The following DST variants were observed in gnomAD, a reference collection of about 807,000 sequenced individuals.
The protein encoded by DST is dystonin.
In DST, 253 loss-of-function variants were observed where a neutral mutation model predicts 875.2. The observed-to-expected ratio is 0.29, with a 90% confidence interval of 0.26 to 0.32. The LOEUF (loss-of-function observed/expected upper bound fraction) is 0.32, where lower values mean the gene tolerates loss of function less well. DST is among the 10% of genes least tolerant of loss of function. The pLI is 1.00. For synonymous variants in DST, 3,124 were observed against 3,197.1 expected (o/e 0.98, Z 0.77); for missense variants, 8,287 against 9,111.6 (o/e 0.91, Z 3.68).
At chr6:56,722,618 G>A (rs1223808826) in intron 5 of DST, among the ~76,000 whole-genome samples, 2 of 152,136 alleles carry the variant, frequency 1.3e-5, no homozygotes, top group Non-Finnish European at 1.5e-5. Context: ...TCCTGACCTC[G>A]TGATCCACCT....
Position 56,487,135 on chromosome 6 carries a change from A to T in DST, c.21016T>A (p.Trp7006Arg). Residue 7006 changes from tryptophan (W) to arginine (R), a missense_variant, in exon 87 of 104, where the codon TGG (tryptophan) becomes AGG (arginine). Physicochemically the swap from Trp to Arg is moderately radical, Grantham distance 101. Around this residue, in one of 10 missense-constraint regions of DST, gnomAD observed 1,292 missense variants for 1,552.7 expected, o/e 0.83. Coordinates refer to ENST00000680361, the MANE Select transcript of DST (RefSeq NM_001374736.1). Reference protein sequence around the residue: ...DDMLSELRDKWDTICGKSVER... With the variant: ...DDMLSELRDKRDTICGKSVER... The stretch of plus-strand genomic sequence containing the variant: ...ACAGATTTTCCACATATGGTATCCC[A>T]TTTGTCTCTGAGTTCACTCAGCATG... 1 of 1,613,898 alleles carries T rather than the reference A, an allele frequency of 6.2e-7. No individual in the cohort carries two copies. The highest frequency in any genetic ancestry group is 1.1e-5 in the South Asian group (1 of 91,070).
At chr6:56,807,631 C>T (rs372428802) in intron 4 of DST, among the ~76,000 whole-genome samples, 6 of 152,064 alleles carry the variant, frequency 3.9e-5, no homozygotes, top group African/African-American at 7.2e-5. Flanking sequence ...GTTAATTCAA[C>T]GGAAGAAAGG....
rs1001597177 is a variant in DST at position 56,595,937 on chromosome 6, T to C, written c.12196-1744A>G. ...GGCCCAGGACATATGGGACAACTAC[T>C]GAAAGCTAGACGTTCCTGGCTCAGG... On this transcript the variant is annotated intron_variant, in intron 47 of 103. Transcript: ENST00000680361. 2.6e-5 allele frequency among the ~76,000 whole-genome samples: 4 copies of C among 152,182 alleles called. No homozygotes were observed. The South Asian group carries it at 8.3e-4, about 32-fold the overall frequency.
intron 73 of DST, among the ~76,000 whole-genome samples, chr6:56,510,216 A>C (rs998516717): frequency 6.6e-6 from 1 of 152,184 alleles, no homozygotes; most frequent in African/African-American, 2.4e-5. Context: ...CTGTTATCAT[A>C]ATTCAAATTA....
intron 69 of DST, among the ~76,000 whole-genome samples, chr6:56,519,019 G>A (rs1264911836): frequency 6.6e-6 from 1 of 152,106 alleles, no homozygotes; most frequent in African/African-American, 2.4e-5. Flanking sequence ...ACAAATCCCA[G>A]GCATTATATA....
At position 56,532,460 on chromosome 6, in the gene DST, T is replaced by C; in HGVS notation, c.16992A>G (p.Lys5664=). The C allele has an allele frequency of 6.2e-7, 1 of 1,611,070 alleles. No homozygotes were observed. Among genetic ancestry groups the C allele is most frequent in the Non-Finnish European group, 8.5e-7 (1 of 1,178,424 alleles). The change falls in exon 64 of 104, where the codon AAA becomes AAG. Residue 5664 remains lysine, a synonymous_variant. Transcript: ENST00000680361. ...DDRKSTVEVI[K]REGEKIATTA... ...TTGTAGCAATTTTTTCTCCTTCTCG[T>C]TTGATTACCTCCACCGTAGATTTTC...
At position 56,759,556 on chromosome 6, in the gene DST, A is replaced by G. The variant is rs139450375; in HGVS notation, c.626-24267T>C. Among the ~76,000 whole-genome samples, 4 of 152,296 alleles carry G rather than the reference A, an allele frequency of 2.6e-5. No individual in the cohort carries two copies. The East Asian group carries it at 7.7e-4, about 29-fold the overall frequency. On this transcript the variant is annotated intron_variant, in intron 4 of 103. Transcript: ENST00000680361. ...TGACTTTGTAGTTTTAATTTATTTGATATTATTAACTGCTGGCATATTTTT... is the reference window on the plus strand; with the variant it reads ...TGACTTTGTAGTTTTAATTTATTTGGTATTATTAACTGCTGGCATATTTTT...
intron 3 of DST, among the ~76,000 whole-genome samples, chr6:56,890,823 T>C (rs796503287): frequency 6.6e-5 from 10 of 152,364 alleles, no homozygotes; most frequent in African/African-American, 2.4e-4. Context: ...TTCTCACTCA[T>C]GGGCCTATTT....
intron 4 of DST, among the ~76,000 whole-genome samples, chr6:56,827,530 TAAAACAATA>T: frequency 7.6e-6 from 1 of 131,124 alleles, no homozygotes; most frequent in South Asian, 2.4e-4. Context: ...AAAAAAAAGG[TAAAACAATA>T]GCAACAATAT....
chr6:56,817,876 C>T (rs186379822), intron 4 of DST, among the ~76,000 whole-genome samples: 23 of 152,200 alleles, frequency 1.5e-4, no homozygotes, highest in African/African-American at 5.3e-4. Flanking sequence ...TTTGCAAATA[C>T]GATTAAGTTA....
intron 5 of DST, among the ~76,000 whole-genome samples, chr6:56,727,032 TA>T (rs2099463735): frequency 1.3e-5 from 2 of 152,248 alleles, no homozygotes; most frequent in Admixed American, 6.5e-5. Context: ...CCAAAATCAC[TA>T]AGCTAAAGGG....
intron 54 of DST, among the ~76,000 whole-genome samples, chr6:56,569,344 A>AAC (rs1554381301): frequency 5.4e-5 from 8 of 149,218 alleles, no homozygotes; most frequent in South Asian, 2.1e-4. Context: ...AAAAAACAAA[A>AAC]ACACACACAC....
intron 9 of DST, among the ~76,000 whole-genome samples, chr6:56,689,137 C>A (rs556954342): frequency 2.0e-5 from 3 of 152,266 alleles, no homozygotes; most frequent in Admixed American, 2.0e-4. Flanking sequence ...TAACAGAACA[C>A]TTCAGAGACT....
chr6:56,615,036 C>G, intron 36 of DST: 2 of 1,002,248 alleles, frequency 2.0e-6, no homozygotes, highest in Non-Finnish European at 2.4e-6. Flanking sequence ...CAGAAAAAGG[C>G]AAAACTTTTT....
At chr6:56,877,449 G>A (rs1780065851) in intron 3 of DST, among the ~76,000 whole-genome samples, 1 of 152,192 alleles carries the variant, frequency 6.6e-6, no homozygotes, top group Non-Finnish European at 1.5e-5. Context: ...CCAGCTACCT[G>A]GGAGGCAGAG....
In DST at chr6:56,851,947, A is replaced by C. The variant is rs985782071; in HGVS notation, c.418-343T>G. 2.7e-6 allele frequency: 4 copies of C among 1,504,146 alleles called. No individual in the cohort carries two copies. In the African/African-American group the frequency reaches 5.6e-5, roughly 21 times the overall value. 93.2% of individuals were successfully genotyped at this position (1,504,146 alleles called of 1,614,324 possible). ...CAGAATCAACAGCCTTCCTGTTACA[A>C]ACCTATAGTATTTGGCTCCCCCACC... is the stretch of plus-strand genomic sequence containing the variant. On this transcript the variant is annotated intron_variant, in intron 3 of 103. Coordinates refer to ENST00000680361, the MANE Select transcript of DST (RefSeq NM_001374736.1).
rs1300808382 is a variant in DST at position 56,497,387 on chromosome 6, C to G, written c.20215G>C (p.Val6739Leu). 6.2e-7 allele frequency: 1 copy of G among 1,612,908 alleles called. No individual in the cohort carries two copies. Among genetic ancestry groups the G allele is most frequent in the Non-Finnish European group, 8.5e-7 (1 of 1,179,222 alleles). Residue 6739 changes from valine (V) to leucine (L), a missense_variant, in exon 82 of 104, where the codon GTC becomes CTC. Around this residue, in one of 10 missense-constraint regions of DST, gnomAD observed 1,292 missense variants for 1,552.7 expected, o/e 0.83. Coordinates refer to ENST00000680361, the MANE Select transcript of DST (RefSeq NM_001374736.1). ...GGAAATACTTTGCTTACCATATGGA[C>G]ATTAAGCTGCTCCTTGGCTGTTTCC... ...LPETAKEQLNVHMEVCAAFEA... is the reference protein window; with the variant it reads ...LPETAKEQLNLHMEVCAAFEA...
At position 56,605,461 on chromosome 6, in the gene DST, C is replaced by G. The variant is rs748314961; in HGVS notation, c.9167G>C (p.Gly3056Ala). The G allele has an allele frequency of 1.4e-5, 23 of 1,612,848 alleles. No individual in the cohort carries two copies. In the East Asian group the frequency reaches 5.1e-4, roughly 36 times the overall value. The change falls in exon 40 of 104, where the codon GGT becomes GCT. Residue 3056 changes from glycine (G) to alanine (A), a missense_variant. By Grantham distance (60) the Gly-to-Ala change is moderately conservative. Around this residue, in one of 10 missense-constraint regions of DST, gnomAD observed 3,138 missense variants for 3,116.6 expected, o/e 1.01. Transcript: ENST00000680361. ...ACCTTCTACAAGCACTTCTCCTTCA[C>G]CCAAGTACATTTTCTGAATTGATGT... ...DETSIQKMYL[G>A]EGEVLVEGLV... is the part of the protein sequence containing the mutation.
At position 56,843,494 on chromosome 6, in the gene DST, C is replaced by A. The variant is rs2099803058; in HGVS notation, c.625+7903G>T. 1.7e-5 allele frequency: 17 copies of A among 987,516 alleles called. No homozygotes were observed. In the South Asian group the frequency reaches 7.5e-4, roughly 43 times the overall value. The allele number at this position is 987,516 out of a possible 1,614,324, so 61.2% of individuals were successfully genotyped here. On this transcript the variant is annotated intron_variant, in intron 4 of 103. Coordinates refer to ENST00000680361, the MANE Select transcript of DST (RefSeq NM_001374736.1). The stretch of plus-strand genomic sequence containing the variant: ...GAGCGGGGCGTGCGGCGAGGGCGGG[C>A]GGGGGCCGGCGGGCGCCCGGACCCT...
Sources: allele counts gnomAD v4.1 joint callset (sites outside exome capture counted in the v4.1 genomes callset), GRCh38; gene constraint gnomAD v4.1.1; regional missense constraint gnomAD v4.1.1; transcripts MANE v1.5; gene names NCBI Gene and HGNC (gene_info 2026-07-23, HGNC 2026-07-21).